Variants in ZNF555 observed in about 807,000 individuals in gnomAD.
ZNF555 encodes zinc finger protein 555.
A neutral mutation model predicts 14.0 loss-of-function variants in ZNF555; 10 were observed. The observed-to-expected ratio is 0.72, with a 90% CI of 0.44 to 1.21. ZNF555 has a LOEUF of 1.21. Ranked by LOEUF, ZNF555 falls within the 50% of genes most tolerant of loss-of-function variation. ZNF555 has a pLI of 0.00. For synonymous variants in ZNF555, 277 were observed against 262.4 expected (o/e 1.06, Z -0.54); for missense variants, 747 against 762.0 (o/e 0.98, Z 0.23).
chr19:2,844,263 C>A (rs1350970063), intron 1 of ZNF555, among the ~76,000 whole-genome samples: 1 of 152,062 alleles, frequency 6.6e-6, no homozygotes, highest in Admixed American at 6.6e-5. Context: ...CCACCACGCC[C>A]AGCTAATTTT....
chr19:2,849,829 G>T (rs1158367168), intron 1 of ZNF555, among the ~76,000 whole-genome samples: 1 of 151,992 alleles, frequency 6.6e-6, no homozygotes, highest in East Asian at 1.9e-4. Flanking sequence ...GAGCTGTTTT[G>T]GCATTGTGTG....
At position 2,852,972 on chromosome 19, in the gene ZNF555, A is replaced by T; in HGVS notation, c.907A>T (p.Met303Leu). ...FSYSSTFRRH[M>L]ISHTGEKPHK... Reference sequence around the variant, plus strand: ...TTATTCCTCAACTTTTCGAAGACATATGATTTCACACACTGGAGAGAAGCC... The same window carrying T: ...TTATTCCTCAACTTTTCGAAGACATTTGATTTCACACACTGGAGAGAAGCC... Residue 303 changes from methionine (M) to leucine (L), a missense_variant, in exon 4 of 4, where the codon ATG (methionine) becomes TTG (leucine). Transcript: ENST00000334241. The T allele has an allele frequency of 6.2e-7, 1 of 1,614,254 alleles. No homozygotes were observed. Among genetic ancestry groups the T allele is most frequent in the Non-Finnish European group, 8.5e-7 (1 of 1,180,044 alleles).
Position 2,854,058 on chromosome 19 carries a change from TG to T in ZNF555, c.*107del. ...TCCAAATACTCTCAGCTATCCTACA[TG>T]AATTTGAACAGGTAGTTTCTTACGA... On this transcript the variant is annotated 3_prime_UTR_variant, in exon 4 of 4. Transcript: ENST00000334241. The T allele has an allele frequency of 7.1e-7, 1 of 1,405,138 alleles. No homozygotes were observed. Among genetic ancestry groups the T allele is most frequent in the South Asian group, 1.4e-5 (1 of 73,716 alleles). The allele number at this position is 1,405,138 out of a possible 1,614,324, so 87.0% of individuals were successfully genotyped here.
Position 2,851,632 on chromosome 19 carries a change from A to G in ZNF555, c.295A>G (p.Asn99Asp). The G allele has an allele frequency of 6.3e-7, 1 of 1,587,590 alleles. No homozygotes were observed. The highest frequency in any genetic ancestry group is 2.3e-5 in the East Asian group (1 of 44,006). Residue 99 changes from asparagine to aspartate, a missense_variant, in exon 3 of 4, where the codon AAC becomes GAC. Transcript: ENST00000334241. ...DSLSIEDQTT[N>D]QGRNLSRNHG... The stretch of plus-strand genomic sequence containing the variant: ...TCTTAGCATCGAAGATCAAACCACA[A>G]ACCAGGGGAGAAATCTCAGGTGAGT...
At position 2,853,667 on chromosome 19, in the gene ZNF555, G is replaced by C. The variant is rs755312631; in HGVS notation, c.1602G>C (p.Lys534Asn). ...QQHVRTHTVE[K>N]PYECKECGKV... ...ATGTGAGAACGCACACTGTAGAGAAGCCCTATGAATGTAAGGAATGTGGGA... is the reference window on the plus strand; with the variant it reads ...ATGTGAGAACGCACACTGTAGAGAACCCCTATGAATGTAAGGAATGTGGGA... Residue 534 changes from lysine to asparagine, a missense_variant, in exon 4 of 4, where the codon AAG (lysine) becomes AAC (asparagine). Physicochemically the swap from Lys to Asn is moderately conservative, Grantham distance 94 (BLOSUM62 0). Transcript: ENST00000334241. 6.3e-7 allele frequency: 1 copy of C among 1,584,698 alleles called. No individual in the cohort carries two copies. Among genetic ancestry groups the C allele is most frequent in the Non-Finnish European group, 8.6e-7 (1 of 1,166,820 alleles).
At position 2,856,682 on chromosome 19, in the gene ZNF555, TA is replaced by T. The variant is rs1329157713; in HGVS notation, c.*2734del. On this transcript the variant is annotated 3_prime_UTR_variant, in exon 4 of 4. Coordinates refer to ENST00000334241, the MANE Select transcript of ZNF555 (RefSeq NM_152791.5). ...GCTGTGGCTTGTATCAGAGGGTGTT[TA>T]AAAGGATTTACTATCAGATTTGGCC... 1 of 152,222 alleles carries T rather than the reference TA, an allele frequency of 6.6e-6. No homozygotes were observed. Among genetic ancestry groups the T allele is most frequent in the African/African-American group, 2.4e-5 (1 of 41,454 alleles). 9.4% of individuals were successfully genotyped at this position (152,222 alleles called of 1,614,324 possible).
At chr19:2,843,561 G>A (rs1177397660) in intron 1 of ZNF555, among the ~76,000 whole-genome samples, 3 of 152,132 alleles carry the variant, frequency 2.0e-5, no homozygotes, top group Admixed American at 1.3e-4. Flanking sequence ...ACATTGCCAC[G>A]AAACATGTTG....
At chr19:2,841,622 G>C in intron 1 of ZNF555, 47 bp downstream of exon 1, 1 of 1,453,398 alleles carries the variant, frequency 6.9e-7, no homozygotes, top group Admixed American at 2.5e-5. Flanking sequence ...AGCAGGAACC[G>C]GCGACCGCCC....
At chr19:2,848,082 T>C (rs1339351094) in intron 1 of ZNF555, among the ~76,000 whole-genome samples, 2 of 152,158 alleles carry the variant, frequency 1.3e-5, no homozygotes, top group African/African-American at 4.8e-5. Flanking sequence ...AAAGCTTACC[T>C]TTCAGAACAT....
chr19:2,852,879 C>T lies in ZNF555; in HGVS notation c.814C>T (p.Arg272Ter), dbSNP rs746373568. 32 of 1,614,036 alleles carry T rather than the reference C, an allele frequency of 2.0e-5. No individual in the cohort carries two copies. Among genetic ancestry groups the T allele is most frequent in the African/African-American group, 8.0e-5 (6 of 74,906 alleles). ...AGCTTTCAGTTATTCCTCAACGTTT[C>T]GAAGACACACAATAACACACACTGG... is the stretch of plus-strand genomic sequence containing the variant. ...GKAFSYSSTF[R>*]RHTITHTGEK... Residue 272 changes from arginine (R) to a stop codon, truncating the protein, a stop_gained, in exon 4 of 4, where the codon CGA becomes TGA. Transcript: ENST00000334241. LOFTEE classifies it low-confidence loss of function (END_TRUNC).
In ZNF555 at chr19:2,853,870, A is replaced by G. The variant is rs377257122; in HGVS notation, c.1805A>G (p.Asn602Ser). The G allele has an allele frequency of 6.2e-7, 1 of 1,614,122 alleles. No homozygotes were observed. The highest frequency in any genetic ancestry group is 8.5e-7 in the Non-Finnish European group (1 of 1,180,028). Reference protein sequence around the residue: ...YKCNVGHPPANEFMCSASEKS... With the variant: ...YKCNVGHPPASEFMCSASEKS... ...TGTAATGTAGGACATCCTCCTGCAA[A>G]TGAATTCATGTGCAGTGCTTCAGAA... Residue 602 changes from asparagine (N) to serine (S), a missense_variant, in exon 4 of 4, where the codon AAT (asparagine) becomes AGT (serine). Asn to Ser is a conservative substitution (Grantham distance 46, BLOSUM62 1). Transcript: ENST00000334241.
chr19:2,847,960 C>G (rs903591319), intron 1 of ZNF555, among the ~76,000 whole-genome samples: 2 of 152,090 alleles, frequency 1.3e-5, no homozygotes, highest in Admixed American at 6.5e-5. Context: ...TTTAAAAAAG[C>G]ACGGAGTGTC....
chr19:2,854,582 A>G lies in ZNF555; in HGVS notation c.*630A>G, dbSNP rs1232103394. Reference sequence around the variant, plus strand: ...TACCAATAGCAATAACTTGAATGAAATTTAGAATGAAGAAGAAGTAAGTCA... The same window carrying G: ...TACCAATAGCAATAACTTGAATGAAGTTTAGAATGAAGAAGAAGTAAGTCA... On this transcript the variant is annotated 3_prime_UTR_variant, in exon 4 of 4. Transcript: ENST00000334241. 1.3e-5 allele frequency: 2 copies of G among 153,246 alleles called. No homozygotes were observed. The highest frequency in any genetic ancestry group is 2.9e-5 in the Non-Finnish European group (2 of 68,772). The allele number at this position is 153,246 out of a possible 1,614,324, so 9.5% of individuals were successfully genotyped here. A position where few individuals can be genotyped will look rare whatever the true frequency, so the allele number is the denominator to read the frequency against.
In ZNF555 at chr19:2,854,038, A is replaced by G; in HGVS notation, c.*86A>G. 2.0e-6 allele frequency: 3 copies of G among 1,509,512 alleles called. No homozygotes were observed. The highest frequency in any genetic ancestry group is 1.8e-6 in the Non-Finnish European group (2 of 1,110,188). 93.5% of individuals were successfully genotyped at this position (1,509,512 alleles called of 1,614,324 possible). The stretch of plus-strand genomic sequence containing the variant: ...ATTTAGTTGAAAAATAATTCTCCAA[A>G]TACTCTCAGCTATCCTACATGAATT... On this transcript the variant is annotated 3_prime_UTR_variant, in exon 4 of 4. Coordinates refer to ENST00000334241, the MANE Select transcript of ZNF555 (RefSeq NM_152791.5).
At chr19:2,845,362 G>A (rs1389119249) in intron 1 of ZNF555, among the ~76,000 whole-genome samples, 2 of 152,158 alleles carry the variant, frequency 1.3e-5, no homozygotes, top group Non-Finnish European at 2.9e-5. Flanking sequence ...TTAGTGCACT[G>A]TCTTTGGTCA....
chr19:2,853,493 A>G lies in ZNF555; in HGVS notation c.1428A>G (p.Glu476=). 1 of 1,614,218 alleles carries G rather than the reference A, an allele frequency of 6.2e-7. No homozygotes were observed. The highest frequency in any genetic ancestry group is 8.5e-7 in the Non-Finnish European group (1 of 1,180,032). ...CFREHVRMHP[E]DKSYECKLCG... is the part of the protein sequence containing the mutation. ...GAGAACATGTGAGAATGCACCCTGA[A>G]GACAAATCCTATGAATGCAAGCTAT... The change falls in exon 4 of 4, where the codon GAA becomes GAG. Residue 476 remains glutamate, a synonymous_variant. Transcript: ENST00000334241.
Position 2,856,588 on chromosome 19 carries a change from A to G in ZNF555, c.*2636A>G, listed in dbSNP as rs1192882484. ...CAAGGCCCTCTACCCAGAAACCACC[A>G]GGATCACACTGGTAGTCAAAGAAAA... On this transcript the variant is annotated 3_prime_UTR_variant, in exon 4 of 4. Transcript: ENST00000334241. The G allele has an allele frequency of 6.6e-6, 1 of 152,252 alleles. No individual in the cohort carries two copies. The highest frequency in any genetic ancestry group is 1.5e-5 in the Non-Finnish European group (1 of 68,052). The allele number at this position is 152,252 out of a possible 1,614,324, so 9.4% of individuals were successfully genotyped here. A position where few individuals can be genotyped will look rare whatever the true frequency, so the allele number is the denominator to read the frequency against.
At chr19:2,850,061 G>GA (rs2087615987) in intron 1 of ZNF555, among the ~76,000 whole-genome samples, 1 of 152,168 alleles carries the variant, frequency 6.6e-6, no homozygotes, top group Non-Finnish European at 1.5e-5. Flanking sequence ...CTTCTCAAAA[G>GA]AATGTTTTCA....
intron 1 of ZNF555, among the ~76,000 whole-genome samples, chr19:2,847,568 A>C (rs1056162851): frequency 6.6e-6 from 1 of 152,218 alleles, no homozygotes; most frequent in Non-Finnish European, 1.5e-5. Flanking sequence ...AATCCTTGGA[A>C]TATAGTAGAT....
Sources: allele counts gnomAD v4.1 joint callset (sites outside exome capture counted in the v4.1 genomes callset), GRCh38; gene constraint gnomAD v4.1.1; transcripts MANE v1.5; gene names NCBI Gene and HGNC (gene_info 2026-07-23, HGNC 2026-07-21).